Variants in ELAVL2 observed in about 807,000 individuals in gnomAD.
ELAVL2 encodes ELAV-like protein 2.
In ELAVL2, 4 loss-of-function variants were observed where a neutral mutation model predicts 34.6. The ratio of observed to expected loss-of-function variants is 0.12; its 90% CI spans 0.06 to 0.26. The LOEUF (loss-of-function observed/expected upper bound fraction) is 0.26, where lower values mean the gene tolerates loss of function less well. ELAVL2 is among the 10% of genes least tolerant of loss of function. The pLI is 1.00. For synonymous variants in ELAVL2, 193 were observed against 154.8 expected (o/e 1.25, Z -1.83); for missense variants, 432 against 442.8 (o/e 0.98, Z 0.22).
chr9:23,819,548 C>T (rs2064228773), intron 1 of ELAVL2, among the ~76,000 whole-genome samples: 1 of 151,988 alleles, frequency 6.6e-6, no homozygotes, highest in African/African-American at 2.4e-5. Flanking sequence ...ATATAGCTGA[C>T]TTGATTGTTC....
chr9:23,740,666 A>G (rs546902053), intron 2 of ELAVL2, among the ~76,000 whole-genome samples: 3 of 152,336 alleles, frequency 2.0e-5, no homozygotes, highest in Admixed American at 2.0e-4. Context: ...AAATGACCTG[A>G]AAGAAAAGGA....
intron 3 of ELAVL2, among the ~76,000 whole-genome samples, chr9:23,727,901 C>T (rs2045622357): frequency 6.6e-6 from 1 of 152,062 alleles, no homozygotes; most frequent in Non-Finnish European, 1.5e-5. Context: ...ACTTGATTCA[C>T]TGTTTCAATA....
chr9:23,695,941 T>A (rs1281647450), intron 5 of ELAVL2, among the ~76,000 whole-genome samples: 1 of 152,176 alleles, frequency 6.6e-6, no homozygotes, highest in Non-Finnish European at 1.5e-5. Context: ...ATCTCTGGCA[T>A]CCCCAGACAG....
intron 5 of ELAVL2, among the ~76,000 whole-genome samples, chr9:23,695,171 C>T (rs2034697399): frequency 6.6e-6 from 1 of 152,138 alleles, no homozygotes; most frequent in Admixed American, 6.6e-5. Flanking sequence ...AAGACAAACA[C>T]ATATTAGCAC....
chr9:23,708,412 T>TTA (rs897115225), intron 3 of ELAVL2, among the ~76,000 whole-genome samples: 2 of 152,142 alleles, frequency 1.3e-5, no homozygotes, highest in Non-Finnish European at 2.9e-5. Context: ...ATGCCTAAGG[T>TTA]TATACACAAC....
intron 2 of ELAVL2, among the ~76,000 whole-genome samples, chr9:23,740,460 T>C (rs758569303): frequency 1.9e-4 from 29 of 152,310 alleles, no homozygotes; most frequent in Middle Eastern, 3.4e-3. Flanking sequence ...AGTGTACACT[T>C]TGTTGCCTTT....
chr9:23,817,517 C>T (rs1428621960), intron 1 of ELAVL2, among the ~76,000 whole-genome samples: 1 of 152,034 alleles, frequency 6.6e-6, no homozygotes, highest in Non-Finnish European at 1.5e-5. Flanking sequence ...ATGCTCGTTG[C>T]AAAAATAGTT....
intron 1 of ELAVL2, among the ~76,000 whole-genome samples, chr9:23,768,898 A>G (rs2056812504): frequency 6.6e-6 from 1 of 152,200 alleles, no homozygotes; most frequent in Non-Finnish European, 1.5e-5. Flanking sequence ...TGATCTTCAT[A>G]CTAACTAGAA....
At chr9:23,706,576 A>G (rs893542331) in intron 3 of ELAVL2, among the ~76,000 whole-genome samples, 1 of 152,134 alleles carries the variant, frequency 6.6e-6, no homozygotes, top group Non-Finnish European at 1.5e-5. Context: ...TAGCTGTAAT[A>G]TTCTGGACTA....
At chr9:23,741,151 G>C (rs190881069) in intron 2 of ELAVL2, among the ~76,000 whole-genome samples, 31 of 152,208 alleles carry the variant, frequency 2.0e-4, no homozygotes, top group African/African-American at 6.7e-4. Context: ...ATGAAATTCA[G>C]GTGTTTCCTG....
At chr9:23,772,483 TTAGAGA>T (rs1456296836) in intron 1 of ELAVL2, among the ~76,000 whole-genome samples, 2 of 144,054 alleles carry the variant, frequency 1.4e-5, no homozygotes, top group African/African-American at 2.6e-5. Context: ...TTAGCAGGAC[TTAGAGA>T]TAGAAAACCA....
chr9:23,770,253 T>C lies in ELAVL2; in HGVS notation c.-15-8004A>G, dbSNP rs552245482. 5.9e-5 allele frequency among the ~76,000 whole-genome samples: 9 copies of C among 152,178 alleles called. No individual in the cohort carries two copies. In the East Asian group the frequency reaches 1.7e-3, roughly 30 times the overall value. On this transcript the variant is annotated intron_variant, in intron 1 of 6. Transcript: ENST00000397312. Reference sequence around the variant, plus strand: ...AGAAGAATAAGGGGGGTTGAAAATGTGGAGATGAAGACGGGTAGTTTCCAG... The same window carrying C: ...AGAAGAATAAGGGGGGTTGAAAATGCGGAGATGAAGACGGGTAGTTTCCAG...
chr9:23,804,696 G>A (rs958066067), intron 1 of ELAVL2, among the ~76,000 whole-genome samples: 1 of 152,126 alleles, frequency 6.6e-6, no homozygotes, highest in Admixed American at 6.5e-5. Context: ...AAACTTATCA[G>A]TTTGCAGTCC....
chr9:23,788,427 A>G (rs895587357), intron 1 of ELAVL2, among the ~76,000 whole-genome samples: 6 of 152,192 alleles, frequency 3.9e-5, no homozygotes, highest in African/African-American at 1.4e-4. Context: ...AAGCCCCAAT[A>G]GATGCCTGAA....
intron 1 of ELAVL2, among the ~76,000 whole-genome samples, chr9:23,771,991 C>G (rs2057382427): frequency 6.6e-6 from 1 of 152,068 alleles, no homozygotes; most frequent in African/African-American, 2.4e-5. Context: ...CATTATTTGG[C>G]AATAGAATCT....
intron 1 of ELAVL2, among the ~76,000 whole-genome samples, chr9:23,823,023 T>C (rs747864299): frequency 6.6e-6 from 1 of 152,126 alleles, no homozygotes; most frequent in Non-Finnish European, 1.5e-5. Flanking sequence ...CATAGTGAAG[T>C]AGGGGGCTCA....
chr9:23,720,521 A>C (rs1017626796), intron 3 of ELAVL2, among the ~76,000 whole-genome samples: 2 of 152,140 alleles, frequency 1.3e-5, no homozygotes, highest in Non-Finnish European at 2.9e-5. Context: ...AAATTCTCCA[A>C]ATACCCTCAG....
chr9:23,826,680 G>C (rs2065318046), upstream of ELAVL2, among the ~76,000 whole-genome samples: 5 of 152,186 alleles, frequency 3.3e-5, no homozygotes, highest in South Asian at 1.0e-3. Flanking sequence ...GCTTCAGAAA[G>C]ATTCATTTCC....
chr9:23,800,678 A>T (rs2061470228), intron 1 of ELAVL2, among the ~76,000 whole-genome samples: 1 of 152,230 alleles, frequency 6.6e-6, no homozygotes, highest in Non-Finnish European at 1.5e-5. Flanking sequence ...TTCTCAAGCA[A>T]ATGAATCTAC....
Sources: gnomAD v4.1 joint callset for allele counts (sites outside exome capture counted in the v4.1 genomes callset) on GRCh38, gnomAD v4.1.1 for gene constraint, MANE v1.5 for transcripts, NCBI Gene and HGNC (gene_info 2026-07-23, HGNC 2026-07-21) for gene names.